FSTL5: variants seen among roughly 807,000 people sequenced by gnomAD.
The protein encoded by FSTL5 is follistatin-related protein 5.
A neutral mutation model predicts 89.1 loss-of-function variants in FSTL5; 62 were observed. The observed-to-expected ratio is 0.70, with a 90% CI of 0.57 to 0.86. The LOEUF (loss-of-function observed/expected upper bound fraction) is 0.86. Ranked by LOEUF, FSTL5 falls within the 40% of genes least tolerant of loss-of-function variation. FSTL5 has a pLI of 0.00. For missense variants in FSTL5, 1,057 were observed against 1,001.6 expected (o/e 1.06, Z -0.75); for synonymous variants, 383 against 346.2 (o/e 1.11, Z -1.18).
chr4:162,116,935 T>C (rs529739231), intron 1 of FSTL5, among the ~76,000 whole-genome samples: 2 of 152,246 alleles, frequency 1.3e-5, no homozygotes, highest in South Asian at 4.2e-4. Context: ...CTGCTGCAAT[T>C]TTTCTGTATC....
At chr4:161,435,420 C>T (rs1211782128) in intron 15 of FSTL5, among the ~76,000 whole-genome samples, 1 of 151,618 alleles carries the variant, frequency 6.6e-6, no homozygotes, top group Non-Finnish European at 1.5e-5. Flanking sequence ...TTAACAGAGG[C>T]TGAAAGGTGT....
intron 15 of FSTL5, chr4:161,387,612 T>C (rs1262240150): frequency 1.3e-5 from 2 of 151,970 alleles, no homozygotes; most frequent in Non-Finnish European, 2.9e-5. Flanking sequence ...TCTTTAAAAT[T>C]TTAAATGTCA....
intron 8 of FSTL5, among the ~76,000 whole-genome samples, chr4:161,584,498 G>A (rs114744893): frequency 0.029 from 4,434 of 152,252 alleles, 128 homozygotes; most frequent in South Asian, 0.13. Context: ...CATAAAAGAT[G>A]ATCATATCTG....
At chr4:161,743,350 T>C (rs1434464587) in intron 6 of FSTL5, among the ~76,000 whole-genome samples, 2 of 152,174 alleles carry the variant, frequency 1.3e-5, no homozygotes, top group Non-Finnish European at 2.9e-5. Flanking sequence ...AGACAATGTA[T>C]AGGAAGGTTT....
At chr4:161,664,205 A>T (rs577215605) in intron 6 of FSTL5, among the ~76,000 whole-genome samples, 118 of 152,338 alleles carry the variant, frequency 7.7e-4, no homozygotes, top group Non-Finnish European at 1.4e-3. Flanking sequence ...CCTGCTACTT[A>T]TGCAAATTTC....
chr4:161,881,595 CA>C (rs1732632355), intron 4 of FSTL5, among the ~76,000 whole-genome samples: 1 of 152,084 alleles, frequency 6.6e-6, no homozygotes, highest in African/African-American at 2.4e-5. Context: ...TTTCTCCTAA[CA>C]GTCAGCATTG....
chr4:161,543,589 T>C (rs1731906490), intron 8 of FSTL5, among the ~76,000 whole-genome samples: 1 of 151,926 alleles, frequency 6.6e-6, no homozygotes, highest in Non-Finnish European at 1.5e-5. Context: ...TGCAATGAAG[T>C]AATCAAAGCA....
chr4:161,438,759 A>AT (rs1350060254), intron 15 of FSTL5, among the ~76,000 whole-genome samples: 2 of 152,168 alleles, frequency 1.3e-5, no homozygotes, highest in East Asian at 3.9e-4. Flanking sequence ...CAAATGATTA[A>AT]TTTTTTTACA....
intron 3 of FSTL5, among the ~76,000 whole-genome samples, chr4:161,993,808 T>C (rs970553193): frequency 2.0e-5 from 3 of 152,192 alleles, no homozygotes; most frequent in African/African-American, 7.2e-5. Flanking sequence ...TCAATGTGTT[T>C]GTGTCTGTGT....
At chr4:162,081,088 C>T (rs951403596) in intron 2 of FSTL5, among the ~76,000 whole-genome samples, 6 of 151,598 alleles carry the variant, frequency 4.0e-5, no homozygotes, top group Admixed American at 6.6e-5. Context: ...TTTTTATCCA[C>T]GCCCTCTAAA....
chr4:162,135,088 A>G (rs1356179779), intron 1 of FSTL5, among the ~76,000 whole-genome samples: 3 of 152,168 alleles, frequency 2.0e-5, no homozygotes, highest in African/African-American at 7.2e-5. Flanking sequence ...GCATAGTACA[A>G]GTGGAGTTTC....
intron 1 of FSTL5, among the ~76,000 whole-genome samples, chr4:162,112,990 C>A (rs765466016): frequency 6.6e-6 from 1 of 152,080 alleles, no homozygotes; most frequent in Non-Finnish European, 1.5e-5. Context: ...TAGGTTCAGC[C>A]TATTGCTTTA....
intron 3 of FSTL5, among the ~76,000 whole-genome samples, chr4:161,950,768 G>T (rs1734870757): frequency 6.6e-6 from 1 of 152,076 alleles, no homozygotes; most frequent in South Asian, 2.1e-4. Flanking sequence ...CTGTCTTTTG[G>T]CCTGCTGGCT....
intron 8 of FSTL5, among the ~76,000 whole-genome samples, chr4:161,565,811 A>T (rs1578929888): frequency 1.4e-5 from 2 of 146,240 alleles, no homozygotes; most frequent in South Asian, 4.3e-4. Context: ...TTATCTCTTC[A>T]TTGGTTGATG....
At chr4:161,671,166 T>G (rs1737093986) in intron 6 of FSTL5, among the ~76,000 whole-genome samples, 1 of 152,218 alleles carries the variant, frequency 6.6e-6, no homozygotes, top group African/African-American at 2.4e-5. Context: ...TTAGCTCCTT[T>G]TTTTACATTG....
intron 4 of FSTL5, among the ~76,000 whole-genome samples, chr4:161,812,332 G>A (rs960418691): frequency 3.9e-5 from 6 of 152,108 alleles, no homozygotes; most frequent in South Asian, 2.1e-4. Flanking sequence ...CATTTTATGC[G>A]TAGGATCACA....
chr4:161,604,703 G>A (rs1734376478), intron 7 of FSTL5, among the ~76,000 whole-genome samples: 1 of 152,130 alleles, frequency 6.6e-6, no homozygotes, highest in Admixed American at 6.6e-5. Flanking sequence ...CCTTCAATGA[G>A]AAGCCACTCA....
At chr4:161,585,915 G>A (rs1464990736) in intron 8 of FSTL5, among the ~76,000 whole-genome samples, 6 of 152,104 alleles carry the variant, frequency 3.9e-5, no homozygotes, top group African/African-American at 1.4e-4. Flanking sequence ...TTTGCATCTC[G>A]CCTGCTTTCT....
chr4:162,106,640 T>C (rs1731238112), intron 2 of FSTL5, among the ~76,000 whole-genome samples: 3 of 151,856 alleles, frequency 2.0e-5, no homozygotes, highest in South Asian at 2.1e-4. Context: ...AGGCCAAGAA[T>C]AGAAATGAAA....
Sources: allele counts gnomAD v4.1 joint callset (sites outside exome capture counted in the v4.1 genomes callset), GRCh38; gene constraint gnomAD v4.1.1; transcripts MANE v1.5; gene names NCBI Gene and HGNC (gene_info 2026-07-23, HGNC 2026-07-21).